WDPCP: variants seen among roughly 807,000 people sequenced by gnomAD.
WDPCP encodes the protein WD repeat-containing and planar cell polarity effector protein fritz homolog.
WDPCP carries 71 observed loss-of-function variants against 93.1 expected under a neutral mutation model. The ratio of observed to expected loss-of-function variants is 0.76; its 90% CI spans 0.63 to 0.93. The LOEUF is 0.93. Among genes scored for constraint, WDPCP ranks in the 40% least tolerant of loss-of-function variants. WDPCP has a pLI of 0.00. For missense variants in WDPCP, 844 were observed against 887.4 expected (o/e 0.95, Z 0.62); for synonymous variants, 315 against 315.0 (o/e 1.00, Z 0.00).
chr2:63,721,576 CTT>C (rs1246182962), intron 2 of WDPCP, among the ~76,000 whole-genome samples: 1 of 152,154 alleles, frequency 6.6e-6, no homozygotes, highest in Non-Finnish European at 1.5e-5. Flanking sequence ...TAACCAGTAA[CTT>C]TCTCATTCTC....
intron 3 of WDPCP, among the ~76,000 whole-genome samples, chr2:63,626,536 A>T (rs1045511356): frequency 6.6e-6 from 1 of 152,262 alleles, no homozygotes; most frequent in Non-Finnish European, 1.5e-5. Context: ...GACACTTCTC[A>T]AAAGAAGACA....
chr2:63,162,439 C>G (rs965201756), intron 15 of WDPCP, among the ~76,000 whole-genome samples: 1 of 151,942 alleles, frequency 6.6e-6, no homozygotes, highest in Non-Finnish European at 1.5e-5. Flanking sequence ...ATTGTTTTTG[C>G]AAGATTTTTA....
intron 2 of WDPCP, among the ~76,000 whole-genome samples, chr2:63,743,254 C>T (rs528825876): frequency 4.6e-5 from 7 of 152,182 alleles, no homozygotes; most frequent in South Asian, 4.1e-4. Context: ...CAGCCTGCTA[C>T]GTGGCTTCCC....
intron 3 of WDPCP, among the ~76,000 whole-genome samples, chr2:63,609,900 G>T (rs1386990077): frequency 2.0e-5 from 3 of 152,150 alleles, no homozygotes; most frequent in Non-Finnish European, 4.4e-5. Context: ...GTTATATGAA[G>T]AAAGTATGTA....
At chr2:63,721,942 G>A (rs1012605481) in intron 2 of WDPCP, among the ~76,000 whole-genome samples, 5 of 152,156 alleles carry the variant, frequency 3.3e-5, no homozygotes, top group African/African-American at 1.2e-4. Context: ...TGTTGGCCAG[G>A]CCGGTCTCCA....
At chr2:63,303,498 G>A (rs567049365) in intron 13 of WDPCP, among the ~76,000 whole-genome samples, 1 of 152,158 alleles carries the variant, frequency 6.6e-6, no homozygotes, top group African/African-American at 2.4e-5. Flanking sequence ...TTGTACCTCT[G>A]TAGGTCAAGT....
chr2:63,811,084 A>G (rs1670855227), intron 2 of WDPCP, among the ~76,000 whole-genome samples: 1 of 152,168 alleles, frequency 6.6e-6, no homozygotes, highest in African/African-American at 2.4e-5. Context: ...GTTGGCAGAA[A>G]CCAGGCTTCA....
intron 2 of WDPCP, among the ~76,000 whole-genome samples, chr2:63,724,346 C>T (rs1669468253): frequency 6.6e-6 from 1 of 151,232 alleles, no homozygotes; most frequent in African/African-American, 2.4e-5. Context: ...TACTGAAGGG[C>T]AAAAAATGCA....
chr2:63,283,069 G>A (rs1683692855), intron 13 of WDPCP, among the ~76,000 whole-genome samples: 1 of 152,108 alleles, frequency 6.6e-6, no homozygotes, highest in Admixed American at 6.5e-5. Flanking sequence ...TCCATGGATG[G>A]GGAACTAACA....
intron 12 of WDPCP, among the ~76,000 whole-genome samples, chr2:63,322,559 A>G (rs1384308844): frequency 6.6e-6 from 1 of 151,982 alleles, no homozygotes; most frequent in Admixed American, 6.6e-5. Context: ...GAGCTGTAGC[A>G]CTCACTGCGA....
intron 1 of WDPCP, among the ~76,000 whole-genome samples, chr2:63,572,586 C>T (rs1707596092): frequency 6.7e-6 from 1 of 149,994 alleles, no homozygotes; most frequent in African/African-American, 2.5e-5. Flanking sequence ...GCCTGTAATC[C>T]CAGCTACTCA....
chr2:63,480,334 G>A (rs1194604615), intron 6 of WDPCP, among the ~76,000 whole-genome samples: 1 of 151,908 alleles, frequency 6.6e-6, no homozygotes. Context: ...CAAATTCAAT[G>A]TAATTCCCAT....
intron 13 of WDPCP, among the ~76,000 whole-genome samples, chr2:63,292,303 C>A (rs1011119686): frequency 2.0e-5 from 3 of 151,532 alleles, no homozygotes; most frequent in East Asian, 3.9e-4. Flanking sequence ...GGTTGAGGGT[C>A]ATGGAGAAGG....
At chr2:63,462,903 CT>C (rs1220249814) in intron 6 of WDPCP, among the ~76,000 whole-genome samples, 1 of 152,084 alleles carries the variant, frequency 6.6e-6, no homozygotes, top group African/African-American at 2.4e-5. Flanking sequence ...AAGATACTGT[CT>C]GAGCTATCTT....
intron 13 of WDPCP, among the ~76,000 whole-genome samples, chr2:63,267,999 T>G (rs551561593): frequency 3.9e-4 from 59 of 152,284 alleles, no homozygotes; most frequent in African/African-American, 1.4e-3. Flanking sequence ...GAAATTGATA[T>G]GTCAAGCAGA....
Position 63,433,930 on chromosome 2 carries a change from A to G in WDPCP, c.640T>C (p.Tyr214His). 1.2e-6 allele frequency: 2 copies of G among 1,613,762 alleles called. No homozygotes were observed. Among genetic ancestry groups the G allele is most frequent in the Non-Finnish European group, 8.5e-7 (1 of 1,179,796 alleles). The change falls in exon 9 of 18, where the codon TAT (tyrosine) becomes CAT (histidine). Residue 214 changes from tyrosine (Y) to histidine (H), a missense_variant. Tyr to His is a moderately conservative substitution (Grantham distance 83). Transcript: ENST00000272321. ...TTTATTGGGCCGGGTATTTCATAAT[A>G]GAAAATCTAACAATTTTAAAAAAGC... ...KLSALDYKIF[Y>H]YEIPGPINKT... is the part of the protein sequence containing the mutation.
rs1185338819 is a variant in WDPCP at position 63,588,362 on chromosome 2, G to GGAC, written c.-94_-92dup. On this transcript the variant is annotated 5_prime_UTR_variant, in exon 1 of 18. Coordinates refer to ENST00000272321, the MANE Select transcript of WDPCP (RefSeq NM_015910.7). ...GCTCGCTTGGTCTCTTGGGTCTCCA[G>GGAC]GACGCCGCCGCCGCCGCCACAGTTT... is the stretch of plus-strand genomic sequence containing the variant. 6 of 1,440,642 alleles carry GGAC rather than the reference G, an allele frequency of 4.2e-6. No individual in the cohort carries two copies. The highest frequency in any genetic ancestry group is 4.8e-6 in the Non-Finnish European group (5 of 1,047,570). The allele number at this position is 1,440,642 out of a possible 1,614,324, so 89.2% of individuals were successfully genotyped here.
chr2:63,254,642 G>A (rs1680993237), intron 14 of WDPCP, among the ~76,000 whole-genome samples: 1 of 152,020 alleles, frequency 6.6e-6, no homozygotes, highest in South Asian at 2.1e-4. Context: ...TTAATACAAT[G>A]TTACAACCAA....
At chr2:63,650,671 T>C (rs912785576) in exon 3 of WDPCP, 1 of 152,194 alleles carries the variant, frequency 6.6e-6, no homozygotes, top group Admixed American at 6.5e-5. Context: ...CTTATAGTGA[T>C]CCTTGGGCAA....
Sources: gnomAD v4.1 joint callset for allele counts (sites outside exome capture counted in the v4.1 genomes callset) on GRCh38, gnomAD v4.1.1 for gene constraint, MANE v1.5 for transcripts, NCBI Gene and HGNC (gene_info 2026-07-23, HGNC 2026-07-21) for gene names.